The following RASGRP4 variants were observed in gnomAD, a reference collection of about 807,000 sequenced individuals.
RASGRP4 encodes the protein RAS guanyl-releasing protein 4.
In RASGRP4, 52 loss-of-function variants were observed where a neutral mutation model predicts 84.4. The ratio of observed to expected loss-of-function variants is 0.62; its 90% CI spans 0.49 to 0.78. The LOEUF (loss-of-function observed/expected upper bound fraction) is 0.78, where lower values mean the gene tolerates loss of function less well. Ranked by LOEUF, RASGRP4 falls within the 30% of genes least tolerant of loss-of-function variation. RASGRP4 has a pLI of 0.00. For synonymous variants in RASGRP4, 356 were observed against 359.1 expected (o/e 0.99, Z 0.10); for missense variants, 760 against 886.9 (o/e 0.86, Z 1.82).
intron 1 of RASGRP4, among the ~76,000 whole-genome samples, chr19:38,424,503 T>A (rs1971902466): frequency 6.6e-6 from 1 of 151,950 alleles, no homozygotes; most frequent in South Asian, 2.1e-4. Flanking sequence ...CATTGTAACC[T>A]TGAACTCCTG....
Position 38,413,990 on chromosome 19 carries a change from A to G in RASGRP4, c.1231-516T>C, listed in dbSNP as rs1020994359. On this transcript the variant is annotated intron_variant, in intron 9 of 16. Transcript: ENST00000615439. This position sits in a 1 kb window ranked among gnomAD's most constrained non-coding sequence, Gnocchi z 4.7. ...GTCACCCAGGCTGGAGTGTAGTGGT[A>G]CGATCTTGGCTCACTGCAACCTCCG... Among the ~76,000 whole-genome samples, 7 of 151,902 alleles carry G rather than the reference A, an allele frequency of 4.6e-5. No individual in the cohort carries two copies. The highest frequency in any genetic ancestry group is 1.7e-4 in the African/African-American group (7 of 41,358).
At position 38,417,187 on chromosome 19, in the gene RASGRP4, ACACAGGGCC is replaced by A; in HGVS notation, c.838-28_838-20del. 6.6e-7 allele frequency: 1 copy of A among 1,504,848 alleles called. No homozygotes were observed. The highest frequency in any genetic ancestry group is 9.1e-7 in the Non-Finnish European group (1 of 1,103,984). The allele number at this position is 1,504,848 out of a possible 1,614,324, so 93.2% of individuals were successfully genotyped here. A position where few individuals can be genotyped will look rare whatever the true frequency, so the allele number is the denominator to read the frequency against. On this transcript the variant is annotated intron_variant, in intron 7 of 16. Transcript: ENST00000615439. The surrounding 1 kb of genome is among the most constrained non-coding windows in gnomAD (Gnocchi z 5.1). The stretch of plus-strand genomic sequence containing the variant: ...GGAGCCTCTAGGAAGAGAAGCATGC[ACACAGGGCC>A]GTCACGGGAGGGAGGGCAAGTCAGG...
At chr19:38,410,138 G>A (rs370999460) in intron 16 of RASGRP4, 42 bp from the exon 17 acceptor site, 382 of 1,527,366 alleles carry the variant, frequency 2.5e-4, no homozygotes, top group Non-Finnish European at 3.3e-4. Context: ...AGATGATGTG[G>A]GGAGCATATG....
chr19:38,416,064 A>C (rs1382881478), intron 8 of RASGRP4, among the ~76,000 whole-genome samples: 1 of 151,218 alleles, frequency 6.6e-6, no homozygotes, highest in African/African-American at 2.4e-5. Flanking sequence ...GTCTCAAAAA[A>C]CAACAATGAA....
rs377433325 is a variant in RASGRP4, at chr19:38,413,216, G to A, written c.1393C>T (p.Arg465Trp). Residue 465 changes from arginine to tryptophan, a missense_variant, in exon 11 of 17, where the codon CGG (arginine) becomes TGG (tryptophan). Arg to Trp is a moderately radical substitution (Grantham distance 101). Coordinates refer to ENST00000615439, the MANE Select transcript of RASGRP4 (RefSeq NM_170604.3). This position sits in a 1 kb window ranked among gnomAD's most constrained non-coding sequence, Gnocchi z 4.7. ...ACCTCCACCAGCTGCTCCACATGCC[G>A]ACCCAGTGTGACCCTGTCCGGCTTG... ...TPKPDRVTLGRHVEQLVESVF... is the reference protein window; with the variant it reads ...TPKPDRVTLGWHVEQLVESVF... 1.1e-5 allele frequency: 17 copies of A among 1,613,482 alleles called. No homozygotes were observed. The South Asian group carries it at 1.3e-4, about 13-fold the overall frequency.
chr19:38,420,120 G>A lies in RASGRP4; in HGVS notation c.509+11C>T. The A allele has an allele frequency of 6.2e-7, 1 of 1,611,870 alleles. No individual in the cohort carries two copies. The highest frequency in any genetic ancestry group is 1.1e-5 in the South Asian group (1 of 90,752). ...TGGGGCAGGGAAGAGGGGAGCACAG[G>A]GCTGACTCACAGGTCAGAAGAGTCT... On this transcript the variant is annotated intron_variant, in intron 5 of 16. Transcript: ENST00000615439.
intron 1 of RASGRP4, among the ~76,000 whole-genome samples, chr19:38,425,685 T>C (rs76933432): frequency 0.18 from 27,500 of 151,332 alleles, 3,030 homozygotes; most frequent in East Asian, 0.41. Flanking sequence ...GGCAGGGGAG[T>C]CGCCTTGCCC....
intron 1 of RASGRP4, 92 bp downstream of exon 1, chr19:38,425,977 A>T: frequency 8.8e-7 from 1 of 1,137,700 alleles, no homozygotes; most frequent in Non-Finnish European, 1.2e-6. Context: ...GAAGTCAGGA[A>T]TCCTGCCACC....
intron 1 of RASGRP4, 32 bp from the exon 2 acceptor site, chr19:38,422,185 G>C (rs770549718): frequency 4.4e-6 from 7 of 1,574,580 alleles, no homozygotes; most frequent in Non-Finnish European, 6.0e-6. Flanking sequence ...AGTCATGGGA[G>C]CACCTTCTTT....
At chr19:38,423,203 C>T (rs1389116659) in intron 1 of RASGRP4, among the ~76,000 whole-genome samples, 3 of 152,180 alleles carry the variant, frequency 2.0e-5, no homozygotes, top group African/African-American at 7.2e-5. Flanking sequence ...TAACACCCTC[C>T]CCTCCTTCCT....
Position 38,412,711 on chromosome 19 carries a change from G to C in RASGRP4, c.1641C>G (p.Thr547=). ...TGTCGCAGAAGGTAGGCTTTCGGAA[G>C]GTGACCTCATGGAAGGTGTGCAGGA... is the stretch of plus-strand genomic sequence containing the variant. ...LAFLHTFHEV[T]FRKPTFCDSC... Residue 547 remains threonine (T), a synonymous_variant, in exon 13 of 17, where the codon ACC becomes ACG. Coordinates refer to ENST00000615439, the MANE Select transcript of RASGRP4 (RefSeq NM_170604.3). This position sits in a 1 kb window ranked among gnomAD's most constrained non-coding sequence, Gnocchi z 4.6. The C allele has an allele frequency of 6.2e-7, 1 of 1,613,206 alleles. No homozygotes were observed. Among genetic ancestry groups the C allele is most frequent in the Non-Finnish European group, 8.5e-7 (1 of 1,179,572 alleles).
In RASGRP4 at chr19:38,417,023, G is replaced by A. The variant is rs1171019802; in HGVS notation, c.954+29C>T. 7.5e-7 allele frequency: 1 copy of A among 1,339,228 alleles called. No individual in the cohort carries two copies. The highest frequency in any genetic ancestry group is 1.5e-5 in the African/African-American group (1 of 68,964). 83.0% of individuals were successfully genotyped at this position (1,339,228 alleles called of 1,614,324 possible). On this transcript the variant is annotated intron_variant, in intron 8 of 16. Coordinates refer to ENST00000615439, the MANE Select transcript of RASGRP4 (RefSeq NM_170604.3). This position sits in a 1 kb window ranked among gnomAD's most constrained non-coding sequence, Gnocchi z 5.1. ...GGGGGCTCAAGACAGCTGACCACTT[G>A]GAGCTTTGGGGAGGGTAGTGGGATT... is the stretch of plus-strand genomic sequence containing the variant.
Position 38,418,333 on chromosome 19 carries a change from G to T in RASGRP4, c.837+58C>A. On this transcript the variant is annotated intron_variant, in intron 7 of 16. Transcript: ENST00000615439. The surrounding 1 kb of genome is among the most constrained non-coding windows in gnomAD (Gnocchi z 4.6). ...CCCTGTGGGGTCGAGGGTCTGGAAGGGGAAGGACCAGGTGGCTGCGTGCAG... is the reference window on the plus strand; with the variant it reads ...CCCTGTGGGGTCGAGGGTCTGGAAGTGGAAGGACCAGGTGGCTGCGTGCAG... The T allele has an allele frequency of 6.5e-7, 1 of 1,537,720 alleles. No individual in the cohort carries two copies. Among genetic ancestry groups the T allele is most frequent in the South Asian group, 1.2e-5 (1 of 84,140 alleles).
Position 38,414,979 on chromosome 19 carries a change from C to A in RASGRP4, c.1099G>T (p.Asp367Tyr). 6.2e-7 allele frequency: 1 copy of A among 1,613,452 alleles called. No homozygotes were observed. Among genetic ancestry groups the A allele is most frequent in the Admixed American group, 1.7e-5 (1 of 59,954 alleles). Residue 367 changes from aspartate (D) to tyrosine (Y), a missense_variant, in exon 9 of 17, where the codon GAC (aspartate) becomes TAC (tyrosine). Asp to Tyr is a radical substitution (Grantham distance 160, BLOSUM62 -3). Transcript: ENST00000615439. ...DLVSLHEAQP[D>Y]RLPDGRLHLP... ...TGCAGGCGGCCGTCAGGCAACCTGT[C>A]GGGCTGTGCCTCATGCAGGGACACC...
rs201744613 is a variant in RASGRP4 at position 38,415,175 on chromosome 19, T to TG, written c.955-53dup. The stretch of plus-strand genomic sequence containing the variant: ...GCGTTATCAGGACAGTCCCATCCCC[T>TG]GAGCAGCCTCCTGTGTGGGCTCTAG... On this transcript the variant is annotated intron_variant, in intron 8 of 16. Transcript: ENST00000615439. The TG allele has an allele frequency of 1.5e-3, 2,161 of 1,488,532 alleles. 20 individuals are homozygous for TG. In the African/African-American group the frequency reaches 0.024, roughly 16 times the overall value. The allele number at this position is 1,488,532 out of a possible 1,614,324, so 92.2% of individuals were successfully genotyped here. A position where few individuals can be genotyped will look rare whatever the true frequency, so the allele number is the denominator to read the frequency against.
chr19:38,420,841 G>A (rs1193155057), intron 4 of RASGRP4, 67 bp downstream of exon 4: 4 of 1,516,636 alleles, frequency 2.6e-6, no homozygotes, highest in Non-Finnish European at 2.7e-6. Flanking sequence ...TCTGAGGAAT[G>A]TTTTTTGAGG....
Position 38,414,831 on chromosome 19 carries a change from G to T in RASGRP4, c.1230+17C>A, listed in dbSNP as rs1375959142. On this transcript the variant is annotated intron_variant, in intron 9 of 16. Transcript: ENST00000615439. The stretch of plus-strand genomic sequence containing the variant: ...TACCCTTGGAAGCCCAGCCTGGGCG[G>T]GGCCAGGGGGGCTCACCGTGAGCAG... 1 of 1,568,884 alleles carries T rather than the reference G, an allele frequency of 6.4e-7. No homozygotes were observed. Among genetic ancestry groups the T allele is most frequent in the Non-Finnish European group, 8.7e-7 (1 of 1,155,818 alleles).
Position 38,417,182 on chromosome 19 carries a change from C to T in RASGRP4, c.838-14G>A, listed in dbSNP as rs1290458810. ...CTGGTGGAGCCTCTAGGAAGAGAAG[C>T]ATGCACACAGGGCCGTCACGGGAGG... is the stretch of plus-strand genomic sequence containing the variant. On this transcript the variant is annotated splice_polypyrimidine_tract_variant and intron_variant, in intron 7 of 16. Transcript: ENST00000615439. The surrounding 1 kb of genome is among the most constrained non-coding windows in gnomAD (Gnocchi z 5.1). The T allele has an allele frequency of 2.2e-5, 34 of 1,524,416 alleles. No individual in the cohort carries two copies. Among genetic ancestry groups the T allele is most frequent in the Non-Finnish European group, 2.8e-5 (31 of 1,121,586 alleles). 94.4% of individuals were successfully genotyped at this position (1,524,416 alleles called of 1,614,324 possible).
At chr19:38,421,514 C>T (rs140012797) in intron 2 of RASGRP4, among the ~76,000 whole-genome samples, 2,831 of 152,192 alleles carry the variant, frequency 0.019, 42 homozygotes, top group Middle Eastern at 0.065. Flanking sequence ...GAGTTCGGGA[C>T]AAGTCTGGCC....
Sources: gnomAD v4.1 joint callset for allele counts (sites outside exome capture counted in the v4.1 genomes callset) on GRCh38, gnomAD v4.1.1 for gene constraint, Gnocchi (gnomAD v3.1) non-coding constraint, MANE v1.5 for transcripts, NCBI Gene and HGNC (gene_info 2026-07-23, HGNC 2026-07-21) for gene names.